The following PRSS37 variants were observed in gnomAD, a reference collection of about 807,000 sequenced individuals.
PRSS37 encodes the protein serine protease 37, also known as probable inactive serine protease 37.
Under a neutral mutation model 28.0 loss-of-function variants are expected in PRSS37, and 25 were observed. The observed-to-expected ratio is 0.89, with a 90% CI of 0.65 to 1.25. The LOEUF is 1.25. Among genes scored for constraint, PRSS37 ranks in the 50% most tolerant of loss-of-function variants. The pLI, the probability that PRSS37 is intolerant of heterozygous loss-of-function variation, is 0.00. For missense variants in PRSS37, 282 were observed against 292.2 expected (o/e 0.97, Z 0.25); for synonymous variants, 109 against 107.8 (o/e 1.01, Z -0.07).
At chr7:141,837,357 A>C in intron 3 of PRSS37, 109 bp from the exon 4 acceptor site, 2 of 1,360,534 alleles carry the variant, frequency 1.5e-6, no homozygotes. Flanking sequence ...TGTTTAAAGA[A>C]AATAAGGAAT....
At chr7:141,837,415 G>C in intron 3 of PRSS37, 167 bp from the exon 4 acceptor site, 2 of 1,069,704 alleles carry the variant, frequency 1.9e-6, no homozygotes, top group South Asian at 1.6e-5. Flanking sequence ...AGCTAATCTT[G>C]AGGATTTTGA....
intron 2 of PRSS37, 54 bp from the exon 3 acceptor site, chr7:141,838,167 GAT>G: frequency 1.2e-6 from 2 of 1,606,452 alleles, no homozygotes; most frequent in Non-Finnish European, 8.5e-7. Flanking sequence ...TCATTGCTAA[GAT>G]ACTGAATGTT....
intron 2 of PRSS37, chr7:141,838,910 G>T (rs1033379577): frequency 6.7e-6 from 3 of 446,394 alleles, no homozygotes; most frequent in Admixed American, 2.5e-5. Flanking sequence ...CCATACCTTT[G>T]CAATTGGTTC....
intron 3 of PRSS37, chr7:141,837,507 C>A (rs761108116): frequency 7.3e-7 from 1 of 1,375,366 alleles, no homozygotes; most frequent in Non-Finnish European, 9.9e-7. Flanking sequence ...TGAGGCAATT[C>A]TCAGAGGTGT....
intron 4 of PRSS37, 110 bp downstream of exon 4, chr7:141,837,002 T>G (rs1275325678): frequency 1.8e-5 from 21 of 1,163,054 alleles, no homozygotes; most frequent in Non-Finnish European, 2.5e-5. Context: ...AGCAGCCTTA[T>G]CAAATTCTCA....
At chr7:141,840,683 T>C (rs557044370) in intron 1 of PRSS37, among the ~76,000 whole-genome samples, 104 of 152,250 alleles carry the variant, frequency 6.8e-4, no homozygotes, top group Non-Finnish European at 1.2e-3. Flanking sequence ...AAGAACCCCA[T>C]GTGGGGCAAG....
intron 3 of PRSS37, 33 bp from the exon 4 acceptor site, chr7:141,837,281 G>A (rs1800995377): frequency 1.9e-6 from 3 of 1,565,508 alleles, no homozygotes; most frequent in Admixed American, 4.2e-5. Context: ...AAAACATCCT[G>A]TTGACAGTGG....
At chr7:141,837,813 C>CT in intron 3 of PRSS37, 47 bp downstream of exon 3, 3 of 1,584,370 alleles carry the variant, frequency 1.9e-6, no homozygotes, top group Non-Finnish European at 2.6e-6. Context: ...GATGTTCCTC[C>CT]TAAAGGACAA....
intron 3 of PRSS37, 28 bp from the exon 4 acceptor site, chr7:141,837,276 A>C: frequency 3.8e-6 from 6 of 1,574,882 alleles, no homozygotes; most frequent in Non-Finnish European, 5.2e-6. Flanking sequence ...AAAATAAAAC[A>C]TCCTGTTGAC....
intron 3 of PRSS37, chr7:141,837,563 T>C (rs1801002634): frequency 4.7e-6 from 7 of 1,500,282 alleles, no homozygotes; most frequent in Admixed American, 2.0e-5. Context: ...GACCACACCT[T>C]GTTCATGTGA....
Position 141,837,859 on chromosome 7 carries a change from C to A in PRSS37, c.430+1G>T. 1 of 1,608,320 alleles carries A rather than the reference C, an allele frequency of 6.2e-7. No homozygotes were observed. The highest frequency in any genetic ancestry group is 1.7e-4 in the Middle Eastern group (1 of 5,962). On this transcript the variant is annotated splice_donor_variant, in intron 3 of 4. Transcript: ENST00000350549. LOFTEE classifies it high-confidence loss of function. ...TGATTTGCTGTGGAAGGCACACTTA[C>A]CACTGTTTTCTTGGCTCCAGTCCAA...
chr7:141,839,608 C>T (rs1238882497), intron 1 of PRSS37, 129 bp from the exon 2 acceptor site: 8 of 624,402 alleles, frequency 1.3e-5, no homozygotes, highest in Non-Finnish European at 1.9e-5. Flanking sequence ...ACGTATTTGA[C>T]ATGTTTTTCT....
In PRSS37 at chr7:141,841,146, A is replaced by G. The variant is rs1232061354; in HGVS notation, c.-97T>C. 11 of 1,594,884 alleles carry G rather than the reference A, an allele frequency of 6.9e-6. No individual in the cohort carries two copies. The highest frequency in any genetic ancestry group is 9.4e-6 in the Non-Finnish European group (11 of 1,168,484). On this transcript the variant is annotated 5_prime_UTR_variant, in exon 1 of 5. Coordinates refer to ENST00000350549, the MANE Select transcript of PRSS37 (RefSeq NM_001008270.3). ...CTTCTCAGGAACACCTGGTAGACTCAGTGGCTATGGTTAGATACGGAGGCA... is the reference window on the plus strand; with the variant it reads ...CTTCTCAGGAACACCTGGTAGACTCGGTGGCTATGGTTAGATACGGAGGCA...
In PRSS37 at chr7:141,836,398, C is replaced by G. The variant is rs1800953111; in HGVS notation, c.705G>C (p.Lys235Asn). 5.6e-6 allele frequency: 9 copies of G among 1,613,974 alleles called. No homozygotes were observed. Among genetic ancestry groups the G allele is most frequent in the South Asian group, 1.1e-5 (1 of 91,074 alleles). ...ATGCAGAGGGAGAAGTAGGGTCTCACTTGTCCTTAGCAGTGTTCTCAATCC... is the reference window on the plus strand; with the variant it reads ...ATGCAGAGGGAGAAGTAGGGTCTCAGTTGTCCTTAGCAGTGTTCTCAATCC... The part of the protein sequence containing the change: ...VSWIENTAKD[K>N] The change falls in exon 5 of 5, where the codon AAG becomes AAC. Residue 235 changes from lysine to asparagine, a missense_variant. Transcript: ENST00000350549.
In PRSS37 at chr7:141,841,059, G is replaced by C. The variant is rs779749246; in HGVS notation, c.-10C>G. The C allele has an allele frequency of 6.2e-7, 1 of 1,613,608 alleles. No individual in the cohort carries two copies. Among genetic ancestry groups the C allele is most frequent in the Non-Finnish European group, 8.5e-7 (1 of 1,179,562 alleles). ...AGAAGACATATTTCATGGTGATCCAGCTCTTCCCCCTGTGAGATGTAGAAG... is the reference window on the plus strand; with the variant it reads ...AGAAGACATATTTCATGGTGATCCACCTCTTCCCCCTGTGAGATGTAGAAG... On this transcript the variant is annotated 5_prime_UTR_variant, in exon 1 of 5. Coordinates refer to ENST00000350549, the MANE Select transcript of PRSS37 (RefSeq NM_001008270.3).
In PRSS37 at chr7:141,839,669, A is replaced by G. The variant is rs533807373; in HGVS notation, c.35-190T>C. Among the ~76,000 whole-genome samples, 38 of 152,274 alleles carry G rather than the reference A, an allele frequency of 2.5e-4. 1 individual carries two copies. Among genetic ancestry groups the G allele is most frequent in the African/African-American group, 8.9e-4 (37 of 41,578 alleles). On this transcript the variant is annotated intron_variant, in intron 1 of 4. Transcript: ENST00000350549. Reference sequence around the variant, plus strand: ...TGCCATTTTATCTTATATTTATAATAATTTTGTTTAATATTGATAATATTC... The same window carrying G: ...TGCCATTTTATCTTATATTTATAATGATTTTGTTTAATATTGATAATATTC...
At chr7:141,840,101 T>A (rs1004172344) in intron 1 of PRSS37, among the ~76,000 whole-genome samples, 2 of 152,142 alleles carry the variant, frequency 1.3e-5, no homozygotes, top group African/African-American at 2.4e-5. Flanking sequence ...ATAAAAACAT[T>A]TAAATGCAAA....
chr7:141,840,044 A>G (rs73738284), intron 1 of PRSS37, among the ~76,000 whole-genome samples: 6,528 of 152,266 alleles, frequency 0.043, 461 homozygotes, highest in African/African-American at 0.15. Context: ...TAAGTTAAAA[A>G]GAACAAGAAA....
rs372309427 is a variant in PRSS37 at position 141,836,430 on chromosome 7, C to A, written c.673G>T (p.Val225Leu). Residue 225 changes from valine to leucine, a missense_variant, in exon 5 of 5, where the codon GTA (valine) becomes TTA (leucine). Physicochemically the swap from Val to Leu is conservative, Grantham distance 32. Transcript: ENST00000350549. Reference protein sequence around the residue: ...VGIYTNVYKYVSWIENTAKDK With the variant: ...VGIYTNVYKYLSWIENTAKDK The stretch of plus-strand genomic sequence containing the variant: ...TTAGCAGTGTTCTCAATCCAGGATA[C>A]ATATTTGTAAACATTGGTGTAGATG... 4 of 1,614,150 alleles carry A rather than the reference C, an allele frequency of 2.5e-6. No individual in the cohort carries two copies. Among genetic ancestry groups the A allele is most frequent in the Non-Finnish European group, 3.4e-6 (4 of 1,180,010 alleles).
Sources: gnomAD v4.1 joint callset for allele counts (sites outside exome capture counted in the v4.1 genomes callset) on GRCh38, gnomAD v4.1.1 for gene constraint, MANE v1.5 for transcripts, NCBI Gene and HGNC (gene_info 2026-07-23, HGNC 2026-07-21) for gene names.